Variants in GALNT7 observed in about 807,000 individuals in gnomAD.
GALNT7 encodes N-acetylgalactosaminyltransferase 7.
GALNT7 carries 60 observed loss-of-function variants against 82.1 expected under a neutral mutation model. That is an observed-to-expected ratio of 0.73 (90% CI 0.59 to 0.91). GALNT7 has a LOEUF of 0.91. Among genes scored for constraint, GALNT7 ranks in the 40% least tolerant of loss-of-function variants. The pLI, the probability that GALNT7 is intolerant of heterozygous loss-of-function variation, is 0.00. For missense variants in GALNT7, 660 were observed against 804.2 expected (o/e 0.82, Z 2.17); for synonymous variants, 243 against 275.1 (o/e 0.88, Z 1.15).
chr4:173,318,515 A>G lies in GALNT7; in HGVS notation c.1792A>G (p.Thr598Ala). The stretch of plus-strand genomic sequence containing the variant: ...AGCTGATGGATCAAAAGTTATGATT[A>G]CACACTGTAATCTAAATGAATTTAA... ...KGADGSKVMI[T>A]HCNLNEFKEW... The change falls in exon 11 of 12, where the codon ACA (threonine) becomes GCA (alanine). Residue 598 changes from threonine (T) to alanine (A), a missense_variant. Coordinates refer to ENST00000265000, the MANE Select transcript of GALNT7 (RefSeq NM_017423.3). 3 of 1,574,516 alleles carry G rather than the reference A, an allele frequency of 1.9e-6. No homozygotes were observed. The highest frequency in any genetic ancestry group is 2.2e-5 in the South Asian group (2 of 89,862).
intron 1 of GALNT7, among the ~76,000 whole-genome samples, chr4:173,222,176 T>A (rs1316981851): frequency 6.6e-6 from 1 of 152,234 alleles, no homozygotes; most frequent in Non-Finnish European, 1.5e-5. Context: ...TGGGGGCATT[T>A]GTTGCACAGT....
chr4:173,227,136 C>T (rs1173837690), intron 1 of GALNT7, among the ~76,000 whole-genome samples: 1 of 152,062 alleles, frequency 6.6e-6, no homozygotes, highest in Non-Finnish European at 1.5e-5. Context: ...TTCCAATTTA[C>T]CATGTATATC....
chr4:173,306,389 A>T (rs1737157576), intron 8 of GALNT7, among the ~76,000 whole-genome samples: 1 of 152,180 alleles, frequency 6.6e-6, no homozygotes, highest in South Asian at 2.1e-4. Context: ...TCTGGCTAAA[A>T]CTTCCAGTAG....
At chr4:173,246,889 A>G (rs1339945245) in intron 1 of GALNT7, among the ~76,000 whole-genome samples, 1 of 152,124 alleles carries the variant, frequency 6.6e-6, no homozygotes, top group East Asian at 1.9e-4. Context: ...CAGACCCATC[A>G]GCCTATTTTG....
At chr4:173,178,393 AT>A (rs1360458327) in intron 1 of GALNT7, among the ~76,000 whole-genome samples, 1 of 152,188 alleles carries the variant, frequency 6.6e-6, no homozygotes, top group African/African-American at 2.4e-5. Context: ...TTATCATTAA[AT>A]TATAGTTCAG....
intron 1 of GALNT7, among the ~76,000 whole-genome samples, chr4:173,213,021 A>G (rs917813176): frequency 3.9e-5 from 6 of 152,132 alleles, no homozygotes; most frequent in African/African-American, 1.4e-4. Context: ...ATGTAATTGT[A>G]TATGTAATGC....
chr4:173,268,983 G>A (rs917113614), intron 2 of GALNT7, among the ~76,000 whole-genome samples: 4 of 152,048 alleles, frequency 2.6e-5, no homozygotes, highest in Non-Finnish European at 5.9e-5. Context: ...TTAGTATGGG[G>A]CTCAGGTTAA....
intron 2 of GALNT7, chr4:173,282,412 C>T (rs866166874): frequency 6.6e-6 from 1 of 152,162 alleles, no homozygotes. Flanking sequence ...GAGTTTTTGT[C>T]CCAGATTGTT....
chr4:173,304,754 C>T (rs1737083520), intron 8 of GALNT7, among the ~76,000 whole-genome samples: 1 of 152,038 alleles, frequency 6.6e-6, no homozygotes, highest in Non-Finnish European at 1.5e-5. Context: ...TGTTTACACT[C>T]CACATGTAAG....
At chr4:173,222,503 T>C (rs996625801) in intron 1 of GALNT7, among the ~76,000 whole-genome samples, 1 of 152,112 alleles carries the variant, frequency 6.6e-6, no homozygotes, top group Non-Finnish European at 1.5e-5. Context: ...AACTCCAAAA[T>C]CAGCTATTCT....
At chr4:173,290,424 A>C (rs1277723301) in intron 2 of GALNT7, among the ~76,000 whole-genome samples, 3 of 152,236 alleles carry the variant, frequency 2.0e-5, no homozygotes, top group Non-Finnish European at 4.4e-5. Flanking sequence ...ACATGTCTAC[A>C]TGAGTAGACA....
intron 1 of GALNT7, among the ~76,000 whole-genome samples, chr4:173,245,086 A>G (rs1445479591): frequency 1.3e-5 from 2 of 152,166 alleles, no homozygotes; most frequent in East Asian, 3.8e-4. Flanking sequence ...AGCAGTGATC[A>G]CTATAAAACT....
chr4:173,180,261 T>G (rs1020188659), intron 1 of GALNT7, among the ~76,000 whole-genome samples: 2 of 151,990 alleles, frequency 1.3e-5, no homozygotes, highest in South Asian at 2.1e-4. Flanking sequence ...AAAACACATA[T>G]TTGTAAAAGA....
intron 2 of GALNT7, among the ~76,000 whole-genome samples, chr4:173,259,866 G>C (rs1278568961): frequency 6.6e-6 from 1 of 152,128 alleles, no homozygotes; most frequent in Admixed American, 6.5e-5. Context: ...TCGAACTCTT[G>C]ACCTCAGGTG....
At chr4:173,318,384 G>T in intron 10 of GALNT7, 47 bp from the exon 11 acceptor site, 1 of 1,505,612 alleles carries the variant, frequency 6.6e-7, no homozygotes, top group Non-Finnish European at 9.0e-7. Context: ...ATGCACATCA[G>T]CAGGGAAGGT....
rs1228964555 is a variant in GALNT7 at position 173,269,272 on chromosome 4, GAATAGA to G, written c.587+20837_587+20842del. Among the ~76,000 whole-genome samples the G allele has an allele frequency of 3.9e-5, 6 of 152,240 alleles. No individual in the cohort carries two copies. The East Asian group carries it at 1.2e-3, about 29-fold the overall frequency. On this transcript the variant is annotated intron_variant, in intron 2 of 11. Transcript: ENST00000265000. ...ATCAAATTTTGTTTTTCCATTTAAG[GAATAGA>G]AATAAAGTGGCCGAGTTATTATTAT...
intron 6 of GALNT7, among the ~76,000 whole-genome samples, chr4:173,299,612 C>A (rs906024538): frequency 2.0e-5 from 3 of 152,044 alleles, no homozygotes; most frequent in Non-Finnish European, 4.4e-5. Context: ...TTTGGGAGGC[C>A]GAGGCAGGCG....
chr4:173,223,315 A>C (rs1733701085), intron 1 of GALNT7, among the ~76,000 whole-genome samples: 1 of 152,140 alleles, frequency 6.6e-6, no homozygotes, highest in African/African-American at 2.4e-5. Flanking sequence ...TTAATGATTC[A>C]ATACATATGG....
At chr4:173,251,979 G>A (rs978115328) in intron 2 of GALNT7, among the ~76,000 whole-genome samples, 7 of 152,078 alleles carry the variant, frequency 4.6e-5, no homozygotes, top group African/African-American at 1.4e-4. Context: ...AAAAAAATGA[G>A]ATAGGCTTCA....
Sources: gnomAD v4.1 joint callset for allele counts (sites outside exome capture counted in the v4.1 genomes callset) on GRCh38, gnomAD v4.1.1 for gene constraint, MANE v1.5 for transcripts, NCBI Gene and HGNC (gene_info 2026-07-23, HGNC 2026-07-21) for gene names.